PLG: variants seen among roughly 807,000 people sequenced by gnomAD.
The protein encoded by PLG is plasminogen.
PLG carries 41 observed loss-of-function variants against 104.4 expected under a neutral mutation model. That is an observed-to-expected ratio of 0.39 (90% CI 0.31 to 0.51). The LOEUF (loss-of-function observed/expected upper bound fraction) is 0.51. Ranked by LOEUF, PLG falls within the 20% of genes least tolerant of loss-of-function variation. The probability of loss-of-function intolerance (pLI) is 0.76; values close to 1 mark genes in which losing one functional copy is unlikely to be tolerated. For missense variants in PLG, 891 were observed against 1,003.6 expected, an observed-to-expected ratio of 0.89 and a Z score of 1.52; for synonymous variants, 337 against 357.1, an observed-to-expected ratio of 0.94 and a Z score of 0.63.
intron 1 of PLG, among the ~76,000 whole-genome samples, chr6:160,702,719 T>C (rs1232985232): frequency 2.0e-5 from 3 of 152,360 alleles, no homozygotes; most frequent in East Asian, 1.9e-4. Flanking sequence ...TACGGTGTCA[T>C]GCTCCCCTCA....
intron 1 of PLG, 191 bp from the exon 2 acceptor site, chr6:160,706,216 T>C: frequency 2.8e-6 from 2 of 724,950 alleles, no homozygotes; most frequent in Non-Finnish European, 4.6e-6. Flanking sequence ...TTGCCATCTT[T>C]ATTTATGTCC....
intron 9 of PLG, among the ~76,000 whole-genome samples, chr6:160,720,576 G>A (rs1055846883): frequency 6.6e-6 from 1 of 151,534 alleles, no homozygotes; most frequent in Non-Finnish European, 1.5e-5. Flanking sequence ...TGTGCCACCA[G>A]GCCCAGCTAA....
intron 10 of PLG, chr6:160,730,820 G>C (rs1268311798): frequency 2.2e-6 from 1 of 456,470 alleles, no homozygotes; most frequent in African/African-American, 2.0e-5. Context: ...TTTTTATATG[G>C]AGCATATACT....
At chr6:160,717,979 C>T (rs1469021865) in intron 7 of PLG, among the ~76,000 whole-genome samples, 2 of 152,156 alleles carry the variant, frequency 1.3e-5, no homozygotes, top group African/African-American at 4.8e-5. Flanking sequence ...GGGCTGGGCA[C>T]GGTGGCTCAC....
Position 160,732,098 on chromosome 6 carries a change from G to T in PLG, c.1587+205G>T, listed in dbSNP as rs1471344617. ...TGGAAAGTACAAGCAGCACAGGCCA[G>T]GAAACCTCCACACATGTGAGGGTTC... is the stretch of plus-strand genomic sequence containing the variant. On this transcript the variant is annotated intron_variant, in intron 12 of 18. Coordinates refer to ENST00000308192, the MANE Select transcript of PLG (RefSeq NM_000301.5). This position sits in a 1 kb window ranked among gnomAD's most constrained non-coding sequence, Gnocchi z 4.5. Among the ~76,000 whole-genome samples, 3 of 152,150 alleles carry T rather than the reference G, an allele frequency of 2.0e-5. No individual in the cohort carries two copies. Among genetic ancestry groups the T allele is most frequent in the Non-Finnish European group, 4.4e-5 (3 of 68,030 alleles).
At position 160,723,110 on chromosome 6, in the gene PLG, CAT is replaced by C. The variant is rs1353546373; in HGVS notation, c.1256+548_1256+549del. ...TATATAGTGTGTATATATATGTACA[CAT>C]ATATGTGTGTATATATATGTACACA... On this transcript the variant is annotated intron_variant, in intron 10 of 18. Coordinates refer to ENST00000308192, the MANE Select transcript of PLG (RefSeq NM_000301.5). The surrounding 1 kb of genome is among the most constrained non-coding windows in gnomAD (Gnocchi z 4.7). Among the ~76,000 whole-genome samples the C allele has an allele frequency of 1.3e-5, 2 of 150,476 alleles. No homozygotes were observed. Among genetic ancestry groups the C allele is most frequent in the African/African-American group, 4.9e-5 (2 of 40,784 alleles).
chr6:160,716,957 C>T (rs867913130), intron 7 of PLG, among the ~76,000 whole-genome samples, 194 bp downstream of exon 7: 1 of 152,174 alleles, frequency 6.6e-6, no homozygotes, highest in Non-Finnish European at 1.5e-5. Context: ...TTGATCAGAG[C>T]GTCCATTTAT....
intron 1 of PLG, among the ~76,000 whole-genome samples, chr6:160,703,329 C>A (rs1472369263): frequency 6.6e-6 from 1 of 151,434 alleles, no homozygotes; most frequent in African/African-American, 2.4e-5. Context: ...TTTAGGCATA[C>A]AATCCAATGG....
chr6:160,728,406 CG>C (rs1425393473), intron 10 of PLG, among the ~76,000 whole-genome samples: 4 of 3,920 alleles, frequency 1.0e-3, no homozygotes, highest in Admixed American at 4.8e-3. Flanking sequence ...TCTCAGCAGT[CG>C]TTTTTTTTAA....
chr6:160,731,017 C>T lies in PLG; in HGVS notation c.1257-34C>T, dbSNP rs770511975. The T allele has an allele frequency of 2.5e-6, 4 of 1,606,340 alleles. No individual in the cohort carries two copies. The highest frequency in any genetic ancestry group is 1.7e-5 in the Admixed American group (1 of 59,970). ...CTGGGTGCCCCTGAATATTCTCCCACCTCTTGTGACCTGTATTGTTTTGGA... is the reference window on the plus strand; with the variant it reads ...CTGGGTGCCCCTGAATATTCTCCCATCTCTTGTGACCTGTATTGTTTTGGA... On this transcript the variant is annotated intron_variant, in intron 10 of 18. Coordinates refer to ENST00000308192, the MANE Select transcript of PLG (RefSeq NM_000301.5). This position sits in a 1 kb window ranked among gnomAD's most constrained non-coding sequence, Gnocchi z 5.1.
chr6:160,708,810 T>C (rs1777580815), intron 3 of PLG, among the ~76,000 whole-genome samples: 2 of 152,206 alleles, frequency 1.3e-5, no homozygotes, highest in South Asian at 2.1e-4. Flanking sequence ...CTGGGTTTCA[T>C]TAGCTGTACG....
rs783168 is a variant in PLG, at chr6:160,753,562, A to G, written c.*501A>G. Among the ~76,000 whole-genome samples, 85,422 of 151,988 alleles carry G rather than the reference A, an allele frequency of 0.56. 24,634 individuals carry two copies. Among genetic ancestry groups the G allele is most frequent in the East Asian group, 0.98 (5,046 of 5,148 alleles). ...CTGCAACATGTATGGGGAGTCATGC[A>G]AACCGATTCTGTTATTGGGAATGAA... is the stretch of plus-strand genomic sequence containing the variant. On this transcript the variant is annotated 3_prime_UTR_variant, in exon 19 of 19. Transcript: ENST00000308192. The surrounding 1 kb of genome is among the most constrained non-coding windows in gnomAD (Gnocchi z 5.4).
chr6:160,732,904 A>C lies in PLG; in HGVS notation c.1587+1011A>C, dbSNP rs748764639. Among the ~76,000 whole-genome samples the C allele has an allele frequency of 2.8e-4, 43 of 152,064 alleles. No individual in the cohort carries two copies. Among genetic ancestry groups the C allele is most frequent in the Non-Finnish European group, 5.6e-4 (38 of 68,016 alleles). Reference sequence around the variant, plus strand: ...GGTTTTTATGGAGGCTTCATTACAGAGGCACAGTTGAATACATCGTTGGCC... The same window carrying C: ...GGTTTTTATGGAGGCTTCATTACAGCGGCACAGTTGAATACATCGTTGGCC... On this transcript the variant is annotated intron_variant, in intron 12 of 18. Transcript: ENST00000308192. This position sits in a 1 kb window ranked among gnomAD's most constrained non-coding sequence, Gnocchi z 4.5.
At position 160,741,446 on chromosome 6, in the gene PLG, G is replaced by C. The variant is rs4252171; in HGVS notation, c.2125+29G>C. 1 of 1,364,724 alleles carries C rather than the reference G, an allele frequency of 7.3e-7. No individual in the cohort carries two copies. The highest frequency in any genetic ancestry group is 1.0e-6 in the Non-Finnish European group (1 of 952,562). The allele number at this position is 1,364,724 out of a possible 1,614,324, so 84.5% of individuals were successfully genotyped here. On this transcript the variant is annotated intron_variant, in intron 17 of 18. Coordinates refer to ENST00000308192, the MANE Select transcript of PLG (RefSeq NM_000301.5). The surrounding 1 kb of genome is among the most constrained non-coding windows in gnomAD (Gnocchi z 4.7). The stretch of plus-strand genomic sequence containing the variant: ...AGATAAATTCCATTGCCCACATAAC[G>C]AATTGGTTTTGACCTACAGTCCATG...
intron 7 of PLG, among the ~76,000 whole-genome samples, chr6:160,717,529 C>G (rs1453037981): frequency 6.6e-6 from 1 of 152,010 alleles, no homozygotes; most frequent in Non-Finnish European, 1.5e-5. Flanking sequence ...TGGATGCACA[C>G]ACTTTTCCTT....
rs964318843 is a variant in PLG, at chr6:160,723,121, G to GTA, written c.1256+562_1256+563dup. ...TATATATATGTACACATATATGTGT[G>GTA]TATATATATGTACACATATATGTGT... On this transcript the variant is annotated intron_variant, in intron 10 of 18. Transcript: ENST00000308192. The surrounding 1 kb of genome is among the most constrained non-coding windows in gnomAD (Gnocchi z 4.7). 2.0e-5 allele frequency among the ~76,000 whole-genome samples: 3 copies of GTA among 150,846 alleles called. No individual in the cohort carries two copies. The highest frequency in any genetic ancestry group is 2.9e-5 in the Non-Finnish European group (2 of 67,802).
At chr6:160,751,986 G>A (rs1398125981) in intron 17 of PLG, 129 bp from the exon 18 acceptor site, 8 of 779,302 alleles carry the variant, frequency 1.0e-5, no homozygotes, top group Admixed American at 1.8e-5. Context: ...AGACTCCAGC[G>A]GCATTGGGAG....
rs753681839 is a variant in PLG, at chr6:160,712,978, C to T, written c.408-8C>T. On this transcript the variant is annotated splice_polypyrimidine_tract_variant and splice_region_variant and intron_variant, in intron 4 of 18. Transcript: ENST00000308192. Reference sequence around the variant, plus strand: ...ATAGTCTAAGTGCTTCTTTTCCATCCTCCCCAGATTCTCACCTGCTACACA... The same window carrying T: ...ATAGTCTAAGTGCTTCTTTTCCATCTTCCCCAGATTCTCACCTGCTACACA... 1.9e-6 allele frequency: 3 copies of T among 1,608,268 alleles called. No individual in the cohort carries two copies. In the African/African-American group the frequency reaches 4.0e-5, roughly 22 times the overall value.
chr6:160,742,330 C>G (rs1296809584), intron 17 of PLG, among the ~76,000 whole-genome samples: 1 of 152,066 alleles, frequency 6.6e-6, no homozygotes, highest in Non-Finnish European at 1.5e-5. Context: ...TATTTTTTGA[C>G]TTTTTAGGAA....
Sources: gnomAD v4.1 joint callset for allele counts (sites outside exome capture counted in the v4.1 genomes callset) on GRCh38, gnomAD v4.1.1 for gene constraint, Gnocchi (gnomAD v3.1) non-coding constraint, MANE v1.5 for transcripts, NCBI Gene and HGNC (gene_info 2026-07-23, HGNC 2026-07-21) for gene names.